The following RBFOX1 variants were observed in gnomAD, a reference collection of about 807,000 sequenced individuals.
RBFOX1 encodes RNA binding protein fox-1 homolog 1.
A neutral mutation model predicts 57.7 loss-of-function variants in RBFOX1; 8 were observed. That is an observed-to-expected ratio of 0.14 (90% CI 0.08 to 0.25). The LOEUF (loss-of-function observed/expected upper bound fraction) is 0.25. Among genes scored for constraint, RBFOX1 ranks in the 10% least tolerant of loss-of-function variants. The pLI, the probability that RBFOX1 is intolerant of heterozygous loss-of-function variation, is 1.00. For synonymous variants in RBFOX1, 326 were observed against 222.4 expected (o/e 1.47, Z -4.15); for missense variants, 611 against 548.5 (o/e 1.11, Z -1.14).
Position 7,000,601 on chromosome 16 carries a change from T to C in RBFOX1, c.-15-51456T>C, listed in dbSNP as rs1303190835. Among the ~76,000 whole-genome samples the C allele has an allele frequency of 3.1e-3, 406 of 128,982 alleles. 5 individuals carry two copies. The highest frequency in any genetic ancestry group is 0.012 in the African/African-American group (388 of 32,038). 84.6% of individuals were successfully genotyped at this position (128,982 alleles called of 152,430 possible). A position where few individuals can be genotyped will look rare whatever the true frequency, so the allele number is the denominator to read the frequency against. On this transcript the variant is annotated intron_variant, in intron 3 of 15. Coordinates refer to ENST00000550418, the MANE Select transcript of RBFOX1 (RefSeq NM_018723.4). ...TTTTTTCTTTCTTTTTCTTTCTTTT[T>C]TTTTTTTTTTTTTTTTGAGACAGAG...
chr16:6,065,729 C>G (rs747297079), intron 1 of RBFOX1, among the ~76,000 whole-genome samples: 14 of 152,174 alleles, frequency 9.2e-5, no homozygotes, highest in African/African-American at 3.4e-4. Context: ...CTACTAAGTT[C>G]CAGACAGTGT....
At chr16:6,002,149 A>AT (rs548870958) in intron 4 of RBFOX1, among the ~76,000 whole-genome samples, 190 of 151,680 alleles carry the variant, frequency 1.3e-3, no homozygotes, top group African/African-American at 4.4e-3. Flanking sequence ...TTAAAAGATA[A>AT]TTTTTTTTAT....
intron 4 of RBFOX1, among the ~76,000 whole-genome samples, chr16:7,261,509 G>C (rs1188513053): frequency 6.6e-6 from 1 of 152,094 alleles, no homozygotes; most frequent in Admixed American, 6.6e-5. Flanking sequence ...GGGAACACTT[G>C]ATCAGCATAG....
At chr16:6,132,978 A>C (rs2096640353) in intron 1 of RBFOX1, among the ~76,000 whole-genome samples, 1 of 151,172 alleles carries the variant, frequency 6.6e-6, no homozygotes, top group Non-Finnish European at 1.5e-5. Flanking sequence ...AAAAAAAAAA[A>C]GAAAAGAAAA....
intron 1 of RBFOX1, among the ~76,000 whole-genome samples, chr16:6,048,332 C>T (rs1248687478): frequency 1.3e-5 from 2 of 152,184 alleles, no homozygotes; most frequent in East Asian, 1.9e-4. Flanking sequence ...ATTATCAGTG[C>T]TTCTGCATTA....
In RBFOX1 at chr16:5,379,612, G is replaced by T. The variant is rs564803835; in HGVS notation, c.220-87604G>T. Among the ~76,000 whole-genome samples the T allele has an allele frequency of 5.3e-5, 8 of 152,286 alleles. No homozygotes were observed. The East Asian group carries it at 1.5e-3, about 29-fold the overall frequency. On this transcript the variant is annotated intron_variant, in intron 1 of 2. Transcript: ENST00000585867. The stretch of plus-strand genomic sequence containing the variant: ...CTACTTAATCTCTGTGTGGTCTTTG[G>T]TGAGTAACTTCCTCTCCATGAGCTC...
chr16:5,646,715 A>G (rs921985279), intron 3 of RBFOX1, among the ~76,000 whole-genome samples: 1 of 151,872 alleles, frequency 6.6e-6, no homozygotes, highest in African/African-American at 2.4e-5. Context: ...GCTCACTGCA[A>G]CCTCTGTCTT....
intron 9 of RBFOX1, among the ~76,000 whole-genome samples, chr16:7,602,260 A>T (rs974285878): frequency 6.6e-6 from 1 of 152,114 alleles, no homozygotes; most frequent in Non-Finnish European, 1.5e-5. Flanking sequence ...TGGGGAGGGG[A>T]GTGCAAATTC....
At chr16:6,913,512 C>T (rs1242040746) in intron 3 of RBFOX1, among the ~76,000 whole-genome samples, 2 of 152,174 alleles carry the variant, frequency 1.3e-5, no homozygotes, top group Non-Finnish European at 2.9e-5. Context: ...CCATCATCTG[C>T]AGTGCCCGAT....
intron 4 of RBFOX1, among the ~76,000 whole-genome samples, chr16:6,003,129 A>G (rs1288948648): frequency 1.3e-5 from 2 of 152,048 alleles, no homozygotes; most frequent in East Asian, 3.9e-4. Flanking sequence ...AATACAAAAA[A>G]TTAGCTGGGC....
intron 4 of RBFOX1, among the ~76,000 whole-genome samples, chr16:7,236,971 G>A (rs1034302925): frequency 6.6e-6 from 1 of 152,158 alleles, no homozygotes; most frequent in Non-Finnish European, 1.5e-5. Flanking sequence ...TGTGTAACTA[G>A]GATAAGCTGG....
chr16:7,627,124 CTTT>C (rs58159930), intron 10 of RBFOX1, among the ~76,000 whole-genome samples: 1 of 128,396 alleles, frequency 7.8e-6, no homozygotes. Flanking sequence ...CCTCCGCCTC[CTTT>C]TTTTTTTTTT....
chr16:6,656,863 TA>T (rs1412463165), intron 3 of RBFOX1, among the ~76,000 whole-genome samples: 1 of 150,006 alleles, frequency 6.7e-6, no homozygotes, highest in Non-Finnish European at 1.5e-5. Flanking sequence ...AAGAGTCTTT[TA>T]AACAAGGTAA....
intron 4 of RBFOX1, among the ~76,000 whole-genome samples, chr16:5,942,288 G>A (rs903219165): frequency 6.6e-6 from 1 of 152,112 alleles, no homozygotes; most frequent in Non-Finnish European, 1.5e-5. Context: ...TAGGAAATGG[G>A]TGCTGCTTAT....
intron 3 of RBFOX1, among the ~76,000 whole-genome samples, chr16:6,938,552 C>G (rs867678014): frequency 7.4e-6 from 1 of 134,486 alleles, no homozygotes; most frequent in Non-Finnish European, 1.5e-5. Flanking sequence ...TTACCAGACA[C>G]TGAATTACTG....
At chr16:6,820,809 A>T (rs2154276364) in intron 3 of RBFOX1, among the ~76,000 whole-genome samples, 1 of 152,350 alleles carries the variant, frequency 6.6e-6, no homozygotes, top group Non-Finnish European at 1.5e-5. Flanking sequence ...GAGCACAGAT[A>T]AATGGACCAT....
At chr16:6,480,050 GAAAA>G (rs78928257) in intron 2 of RBFOX1, among the ~76,000 whole-genome samples, 2 of 119,752 alleles carry the variant, frequency 1.7e-5, no homozygotes, top group Non-Finnish European at 3.5e-5. Context: ...ACTCCACCTC[GAAAA>G]AAAAAAAAAA....
At chr16:7,018,441 C>T (rs1229820927) in intron 3 of RBFOX1, among the ~76,000 whole-genome samples, 1 of 152,124 alleles carries the variant, frequency 6.6e-6, no homozygotes, top group African/African-American at 2.4e-5. Context: ...TTAATTGCTC[C>T]TGTTTTTGAA....
intron 1 of RBFOX1, among the ~76,000 whole-genome samples, chr16:5,415,345 C>A (rs993901228): frequency 6.6e-6 from 1 of 152,138 alleles, no homozygotes; most frequent in Admixed American, 6.5e-5. Flanking sequence ...CCCTTGCTAT[C>A]ACGAGAACAG....
Sources: allele counts gnomAD v4.1 joint callset (sites outside exome capture counted in the v4.1 genomes callset), GRCh38; gene constraint gnomAD v4.1.1; transcripts MANE v1.5; gene names NCBI Gene and HGNC (gene_info 2026-07-23, HGNC 2026-07-21).